Variants in KAZN observed in about 807,000 individuals in gnomAD.
KAZN encodes the protein kazrin, periplakin interacting protein.
A neutral mutation model predicts 87.4 loss-of-function variants in KAZN; 40 were observed. The observed-to-expected ratio is 0.46, with a 90% CI of 0.36 to 0.60. The LOEUF is 0.60. KAZN is among the 20% of genes least tolerant of loss of function. The pLI is 0.00. For missense variants in KAZN, 898 were observed against 1,073.9 expected (o/e 0.84, Z 2.29); for synonymous variants, 466 against 458.3 (o/e 1.02, Z -0.22).
At chr1:14,134,600 G>T (rs1025852236) in intron 1 of KAZN, among the ~76,000 whole-genome samples, 1 of 152,158 alleles carries the variant, frequency 6.6e-6, no homozygotes, top group African/African-American at 2.4e-5. Flanking sequence ...GGTAGCAGTA[G>T]AAATCTGTGT....
chr1:13,985,927 G>A (rs1638994372), intron 1 of KAZN, among the ~76,000 whole-genome samples: 1 of 152,076 alleles, frequency 6.6e-6, no homozygotes, highest in African/African-American at 2.4e-5. Flanking sequence ...CCATCCATCA[G>A]TTGATACATA....
At chr1:14,925,951 T>C (rs999753561) in intron 1 of KAZN, among the ~76,000 whole-genome samples, 3 of 152,214 alleles carry the variant, frequency 2.0e-5, no homozygotes, top group Non-Finnish European at 4.4e-5. Context: ...CTTCATCTTT[T>C]TGAGACTCAA....
At chr1:14,920,276 GTT>G (rs55641056) in intron 1 of KAZN, among the ~76,000 whole-genome samples, 66 of 94,146 alleles carry the variant, frequency 7.0e-4, no homozygotes, top group African/African-American at 1.7e-3. Context: ...CCTCTTTTCT[GTT>G]TTTTTTTTTT....
At chr1:14,553,698 T>C (rs1469898493) in intron 2 of KAZN, among the ~76,000 whole-genome samples, 2 of 152,182 alleles carry the variant, frequency 1.3e-5, no homozygotes, top group Non-Finnish European at 2.9e-5. Flanking sequence ...CCAGGTGCCA[T>C]GGCTTGGCAC....
intron 2 of KAZN, among the ~76,000 whole-genome samples, chr1:14,358,271 T>C (rs1021542461): frequency 9.4e-5 from 12 of 127,684 alleles, no homozygotes; most frequent in African/African-American, 2.4e-4. Context: ...TGATACCCCC[T>C]GTTTCATTTC....
chr1:14,000,139 A>T (rs1639715238), intron 1 of KAZN, among the ~76,000 whole-genome samples: 1 of 152,248 alleles, frequency 6.6e-6, no homozygotes, highest in African/African-American at 2.4e-5. Context: ...AGCTTGTGCC[A>T]TTCCTTCTGA....
At chr1:14,495,123 C>T (rs371484482) in intron 2 of KAZN, among the ~76,000 whole-genome samples, 10 of 152,306 alleles carry the variant, frequency 6.6e-5, no homozygotes, top group African/African-American at 1.9e-4. Flanking sequence ...TCTCCCAGAA[C>T]GGTATGCATC....
intron 1 of KAZN, among the ~76,000 whole-genome samples, chr1:14,644,219 C>T (rs1473237077): frequency 6.6e-6 from 1 of 151,554 alleles, no homozygotes; most frequent in African/African-American, 2.4e-5. Flanking sequence ...ACCATGTTGG[C>T]CAGGCTGGTC....
At chr1:14,194,922 G>A (rs1488336287) in intron 2 of KAZN, among the ~76,000 whole-genome samples, 1 of 152,042 alleles carries the variant, frequency 6.6e-6, no homozygotes. Flanking sequence ...TCTACCTGTG[G>A]GACAACCCTG....
intron 2 of KAZN, among the ~76,000 whole-genome samples, chr1:14,292,956 G>T (rs1036221136): frequency 2.0e-5 from 3 of 152,212 alleles, no homozygotes; most frequent in Non-Finnish European, 4.4e-5. Context: ...TCATTAGGCA[G>T]ACTTCACAGA....
At chr1:14,325,363 C>T (rs1191613371) in intron 2 of KAZN, among the ~76,000 whole-genome samples, 2 of 152,150 alleles carry the variant, frequency 1.3e-5, no homozygotes, top group Non-Finnish European at 2.9e-5. Flanking sequence ...GTCTGCTTCC[C>T]TACATTTCCG....
chr1:13,931,687 G>A (rs924305645), intron 1 of KAZN, among the ~76,000 whole-genome samples: 3 of 152,134 alleles, frequency 2.0e-5, no homozygotes, highest in African/African-American at 7.2e-5. Flanking sequence ...TGTCATGTGT[G>A]TGTGTGTATT....
At chr1:13,997,434 G>T (rs547232740) in intron 1 of KAZN, among the ~76,000 whole-genome samples, 1 of 151,938 alleles carries the variant, frequency 6.6e-6, no homozygotes, top group Non-Finnish European at 1.5e-5. Flanking sequence ...AGCTACGGGG[G>T]CATATTCTAA....
chr1:14,171,962 TG>T (rs1645963430), intron 1 of KAZN, among the ~76,000 whole-genome samples: 1 of 149,208 alleles, frequency 6.7e-6, no homozygotes, highest in South Asian at 2.1e-4. Flanking sequence ...TGTCAAAGCG[TG>T]TCATTTTTTT....
At chr1:14,421,011 C>T (rs762074189) in intron 2 of KAZN, among the ~76,000 whole-genome samples, 25 of 151,976 alleles carry the variant, frequency 1.6e-4, no homozygotes, top group Non-Finnish European at 3.2e-4. Context: ...GCTCCTCAAG[C>T]GCGGCCAGAG....
At chr1:14,149,076 TTCC>T (rs1170515144) in intron 1 of KAZN, among the ~76,000 whole-genome samples, 21 of 116,334 alleles carry the variant, frequency 1.8e-4, no homozygotes, top group African/African-American at 1.7e-4. Context: ...CCTTCCTTCC[TTCC>T]TTCCTTCCTT....
intron 1 of KAZN, among the ~76,000 whole-genome samples, chr1:14,783,048 G>C (rs1371055715): frequency 6.6e-6 from 1 of 152,104 alleles, no homozygotes; most frequent in Non-Finnish European, 1.5e-5. Flanking sequence ...CACTGGAGGA[G>C]CTAGCATGAA....
chr1:15,110,487 G>C (rs796568310), intron 13 of KAZN, among the ~76,000 whole-genome samples: 1 of 38,400 alleles, frequency 2.6e-5, no homozygotes, highest in Non-Finnish European at 5.2e-5. Context: ...GTATTTGTGT[G>C]TGTATGTATG....
intron 4 of KAZN, among the ~76,000 whole-genome samples, chr1:15,054,714 C>T (rs1463255660): frequency 6.6e-6 from 1 of 152,134 alleles, no homozygotes; most frequent in African/African-American, 2.4e-5. Context: ...TAATACTTGC[C>T]GTTTTTCTCC....
Sources: allele counts gnomAD v4.1 joint callset (sites outside exome capture counted in the v4.1 genomes callset), GRCh38; gene constraint gnomAD v4.1.1; transcripts MANE v1.5; gene names NCBI Gene and HGNC (gene_info 2026-07-23, HGNC 2026-07-21).